CARMIL1: variants seen among roughly 807,000 people sequenced by gnomAD.
The protein encoded by CARMIL1 is F-actin-uncapping protein LRRC16A.
CARMIL1 carries 90 observed loss-of-function variants against 177.1 expected under a neutral mutation model. The observed-to-expected ratio is 0.51, with a 90% CI of 0.43 to 0.61. The LOEUF is 0.61. CARMIL1 is among the 20% of genes least tolerant of loss of function. The probability of loss-of-function intolerance (pLI) is 0.00; values close to 1 mark genes in which losing one functional copy is unlikely to be tolerated. For synonymous variants in CARMIL1, 577 were observed against 606.2 expected (o/e 0.95, Z 0.71); for missense variants, 1,380 against 1,667.0 (o/e 0.83, Z 3.00).
chr6:25,363,398 T>A (rs1321181465), intron 2 of CARMIL1, among the ~76,000 whole-genome samples: 1 of 41,492 alleles, frequency 2.4e-5, no homozygotes, highest in Admixed American at 2.4e-4. Context: ...CCACGGAAGA[T>A]TTTTTTCCTC....
intron 2 of CARMIL1, among the ~76,000 whole-genome samples, chr6:25,396,836 G>A (rs1408807081): frequency 1.3e-5 from 2 of 152,126 alleles, no homozygotes; most frequent in African/African-American, 2.4e-5. Context: ...GCAGAGATGC[G>A]GAAATGGGCT....
At chr6:25,426,834 C>G (rs1796319102) in intron 4 of CARMIL1, among the ~76,000 whole-genome samples, 1 of 152,130 alleles carries the variant, frequency 6.6e-6, no homozygotes, top group Non-Finnish European at 1.5e-5. Context: ...GTTTGTACAA[C>G]ATGCTTTAAC....
chr6:25,600,856 A>T, intron 33 of CARMIL1, 110 bp downstream of exon 33: 3 of 999,954 alleles, frequency 3.0e-6, no homozygotes, highest in Non-Finnish European at 4.2e-6. Context: ...TTAAACATTT[A>T]ACTTTCCTTT....
intron 2 of CARMIL1, among the ~76,000 whole-genome samples, chr6:25,300,819 G>A (rs1782805181): frequency 6.6e-6 from 1 of 152,184 alleles, no homozygotes; most frequent in Admixed American, 6.5e-5. Context: ...AGGTAACTAG[G>A]TAACTAAGTA....
intron 12 of CARMIL1, among the ~76,000 whole-genome samples, chr6:25,486,739 T>G (rs563437307): frequency 7.9e-5 from 12 of 152,192 alleles, no homozygotes; most frequent in African/African-American, 2.7e-4. Context: ...TTGATAATTA[T>G]TGCCTCACTG....
chr6:25,296,865 GCTC>G (rs1782399610), intron 2 of CARMIL1, among the ~76,000 whole-genome samples: 1 of 151,558 alleles, frequency 6.6e-6, no homozygotes, highest in Non-Finnish European at 1.5e-5. Context: ...GAGTATTCCA[GCTC>G]CTTTTCTTAT....
At chr6:25,507,578 C>T (rs1420766312) in intron 17 of CARMIL1, 2 of 152,478 alleles carry the variant, frequency 1.3e-5, no homozygotes, top group Non-Finnish European at 2.9e-5. Flanking sequence ...GTGTATACTA[C>T]AAATATCAGT....
At chr6:25,360,231 A>G (rs1001156896) in intron 2 of CARMIL1, among the ~76,000 whole-genome samples, 12 of 152,354 alleles carry the variant, frequency 7.9e-5, no homozygotes, top group African/African-American at 2.2e-4. Flanking sequence ...CCCTCCTTCC[A>G]TCAGTTTTAA....
chr6:25,302,100 C>A (rs1039055094), intron 2 of CARMIL1, among the ~76,000 whole-genome samples: 1 of 152,110 alleles, frequency 6.6e-6, no homozygotes. Flanking sequence ...TCTGAAAATT[C>A]AGTAAGTCTA....
intron 2 of CARMIL1, among the ~76,000 whole-genome samples, chr6:25,300,361 TA>T (rs1276357315): frequency 6.6e-6 from 1 of 152,156 alleles, no homozygotes; most frequent in Non-Finnish European, 1.5e-5. Context: ...CATCACCTGA[TA>T]ACTTATCAAA....
chr6:25,461,879 A>T (rs1357131209), intron 8 of CARMIL1, among the ~76,000 whole-genome samples: 1 of 151,900 alleles, frequency 6.6e-6, no homozygotes. Flanking sequence ...CTCTTTTTTA[A>T]ACCGTGCATC....
intron 27 of CARMIL1, among the ~76,000 whole-genome samples, chr6:25,551,694 T>C (rs909303543): frequency 1.3e-5 from 2 of 152,214 alleles, no homozygotes; most frequent in African/African-American, 4.8e-5. Flanking sequence ...ATCAACAGTA[T>C]TACATTATAG....
At chr6:25,435,320 G>T (rs10946781) in intron 4 of CARMIL1, among the ~76,000 whole-genome samples, 163 bp from the exon 5 acceptor site, 1 of 152,022 alleles carries the variant, frequency 6.6e-6, no homozygotes, top group African/African-American at 2.4e-5. Flanking sequence ...GGGTGTTCAC[G>T]CACGTATGTG....
At chr6:25,297,305 AT>A (rs1782485163) in intron 2 of CARMIL1, among the ~76,000 whole-genome samples, 1 of 152,250 alleles carries the variant, frequency 6.6e-6, no homozygotes, top group African/African-American at 2.4e-5. Flanking sequence ...CCCTTCAAGC[AT>A]CTTGGATGTC....
intron 2 of CARMIL1, among the ~76,000 whole-genome samples, chr6:25,325,893 CAG>C (rs1336894239): frequency 6.6e-6 from 1 of 151,726 alleles, no homozygotes; most frequent in Non-Finnish European, 1.5e-5. Context: ...TTTTTTGAGA[CAG>C]AGTCTTGCTC....
intron 2 of CARMIL1, among the ~76,000 whole-genome samples, chr6:25,366,345 A>C (rs1293005451): frequency 6.6e-6 from 1 of 151,982 alleles, no homozygotes; most frequent in African/African-American, 2.4e-5. Flanking sequence ...AAACTTTCCT[A>C]AGATTTCCAT....
chr6:25,596,884 C>T (rs1335169793), intron 32 of CARMIL1, among the ~76,000 whole-genome samples: 2 of 150,552 alleles, frequency 1.3e-5, no homozygotes, highest in African/African-American at 2.5e-5. Flanking sequence ...CACACGTACT[C>T]ATGTACTTAG....
intron 8 of CARMIL1, among the ~76,000 whole-genome samples, chr6:25,453,527 G>A (rs1799197841): frequency 6.6e-6 from 1 of 152,138 alleles, no homozygotes; most frequent in Non-Finnish European, 1.5e-5. Context: ...ATATTAAAAT[G>A]TTTGTACTCA....
chr6:25,376,965 A>G (rs1791046820), intron 2 of CARMIL1, among the ~76,000 whole-genome samples: 1 of 152,108 alleles, frequency 6.6e-6, no homozygotes, highest in Admixed American at 6.5e-5. Flanking sequence ...CCTTCCAATT[A>G]CACTCCTGAC....
Sources: allele counts gnomAD v4.1 joint callset (sites outside exome capture counted in the v4.1 genomes callset), GRCh38; gene constraint gnomAD v4.1.1; transcripts MANE v1.5; gene names NCBI Gene and HGNC (gene_info 2026-07-23, HGNC 2026-07-21).